KANK1: variants seen among roughly 807,000 people sequenced by gnomAD.
The protein encoded by KANK1 is KN motif and ankyrin repeat domain-containing protein 1.
A neutral mutation model predicts 106.2 loss-of-function variants in KANK1; 109 were observed. The ratio of observed to expected loss-of-function variants is 1.03; its 90% confidence interval spans 0.88 to 1.20. The LOEUF is 1.20. KANK1 is among the 50% of genes most tolerant of loss of function. The pLI is 0.00. For missense variants in KANK1, 2,399 were observed against 1,710.7 expected (o/e 1.40, Z -7.10); for synonymous variants, 873 against 652.2 (o/e 1.34, Z -5.16).
At chr9:604,493 A>G (rs907499219) in intron 1 of KANK1, among the ~76,000 whole-genome samples, 1 of 151,712 alleles carries the variant, frequency 6.6e-6, no homozygotes, top group African/African-American at 2.4e-5. Flanking sequence ...TCCTGCTGTC[A>G]TGTGAAGAAG....
At chr9:536,847 C>G (rs894825892) in intron 1 of KANK1, among the ~76,000 whole-genome samples, 3 of 152,186 alleles carry the variant, frequency 2.0e-5, no homozygotes, top group Non-Finnish European at 4.4e-5. Flanking sequence ...AGACACAATA[C>G]AGTTAACTCT....
chr9:686,766 G>C, intron 2 of KANK1: 2 of 985,406 alleles, frequency 2.0e-6, no homozygotes, highest in Non-Finnish European at 2.4e-6. Context: ...AGGGATCTGA[G>C]TGGGCCCAAG....
chr9:580,074 C>T (rs891444084), intron 1 of KANK1, among the ~76,000 whole-genome samples: 3 of 152,152 alleles, frequency 2.0e-5, no homozygotes, highest in South Asian at 2.1e-4. Context: ...AAGTTTGTTC[C>T]TTCTGATGTT....
At position 689,494 on chromosome 9, in the gene KANK1, C is replaced by T. The variant is rs370331905; in HGVS notation, c.37+12485C>T. ...TCTGAGCGGATCCTGCTAATCCAGGCATGTAAAGGAGGAGTCCTCATCCAA... is the reference window on the plus strand; with the variant it reads ...TCTGAGCGGATCCTGCTAATCCAGGTATGTAAAGGAGGAGTCCTCATCCAA... On this transcript the variant is annotated intron_variant, in intron 2 of 11. Coordinates refer to ENST00000382297, the MANE Select transcript of KANK1 (RefSeq NM_015158.5). Among the ~76,000 whole-genome samples the T allele has an allele frequency of 6.2e-4, 94 of 152,240 alleles. 5 individuals are homozygous for T. The South Asian group carries it at 0.019, about 31-fold the overall frequency.
rs751563164 is a variant in KANK1 at position 711,559 on chromosome 9, G to A, written c.793G>A (p.Glu265Lys). ...VSPMHLQHIR[E>K]QMAIALKRLK... ...CCCCATGCACCTGCAGCACATCCGC[G>A]AGCAGATGGCCATTGCTCTGAAACG... The change falls in exon 3 of 12, where the codon GAG becomes AAG. Residue 265 changes from glutamate (E) to lysine (K), a missense_variant. By Grantham distance (56) the Glu-to-Lys change is moderately conservative. Transcript: ENST00000382297. 5.9e-5 allele frequency: 95 copies of A among 1,613,820 alleles called. No homozygotes were observed. Among genetic ancestry groups the A allele is most frequent in the Admixed American group, 1.7e-4 (10 of 59,990 alleles).
At chr9:546,811 T>C (rs1373876494) in intron 1 of KANK1, among the ~76,000 whole-genome samples, 1 of 152,132 alleles carries the variant, frequency 6.6e-6, no homozygotes, top group Non-Finnish European at 1.5e-5. Flanking sequence ...TAATCTAAAG[T>C]AGCCCATACT....
At position 674,974 on chromosome 9, in the gene KANK1, G is replaced by A. The variant is rs140320226; in HGVS notation, c.-83-1916G>A. Reference sequence around the variant, plus strand: ...CCTGCGTCAGCCTCCCACAGTGCTGGGATTACAGGTGTGAGCCACCGCACC... The same window carrying A: ...CCTGCGTCAGCCTCCCACAGTGCTGAGATTACAGGTGTGAGCCACCGCACC... On this transcript the variant is annotated intron_variant, in intron 1 of 11. Transcript: ENST00000382297. 4.7e-3 allele frequency among the ~76,000 whole-genome samples: 721 copies of A among 152,050 alleles called. 12 individuals carry two copies. Among genetic ancestry groups the A allele is most frequent in the African/African-American group, 0.016 (664 of 41,420 alleles).
chr9:627,128 G>A (rs72689695), intron 1 of KANK1, among the ~76,000 whole-genome samples: 5,654 of 152,236 alleles, frequency 0.037, 368 homozygotes, highest in African/African-American at 0.13. Flanking sequence ...GCCATCCTGG[G>A]AAATCTAGAA....
chr9:577,063 C>T (rs1203832785), intron 1 of KANK1, among the ~76,000 whole-genome samples: 1 of 152,112 alleles, frequency 6.6e-6, no homozygotes, highest in African/African-American at 2.4e-5. Flanking sequence ...AATCTGCAGA[C>T]CTTTGCAGTG....
At chr9:691,420 T>A (rs887519510) in intron 2 of KANK1, among the ~76,000 whole-genome samples, 4 of 149,392 alleles carry the variant, frequency 2.7e-5, no homozygotes, top group Admixed American at 2.0e-4. Flanking sequence ...ATATATATAT[T>A]TATTTATTAT....
intron 1 of KANK1, among the ~76,000 whole-genome samples, chr9:581,077 C>T (rs1822002963): frequency 6.6e-6 from 1 of 152,142 alleles, no homozygotes; most frequent in Non-Finnish European, 1.5e-5. Context: ...GAGCCCACAC[C>T]TACCCAGAAC....
Position 565,328 on chromosome 9 carries a change from T to C in KANK1, c.-84+60574T>C, listed in dbSNP as rs570567161. On this transcript the variant is annotated intron_variant, in intron 1 of 11. Transcript: ENST00000382297. ...TGGGAAAGTCAACCCTAAAGAATGG[T>C]TTCATGTTTGCTCCCATTCTACCTT... Among the ~76,000 whole-genome samples, 48 of 152,290 alleles carry C rather than the reference T, an allele frequency of 3.2e-4. 1 individual carries two copies. The highest frequency in any genetic ancestry group is 3.4e-3 in the Middle Eastern group (1 of 294).
chr9:576,053 T>A (rs1272721333), intron 1 of KANK1, among the ~76,000 whole-genome samples: 1 of 152,186 alleles, frequency 6.6e-6, no homozygotes, highest in Non-Finnish European at 1.5e-5. Context: ...TAATGAATGA[T>A]TCCCAAAGTA....
chr9:587,085 A>G (rs773538977), intron 1 of KANK1, among the ~76,000 whole-genome samples: 19 of 152,336 alleles, frequency 1.2e-4, no homozygotes, highest in Middle Eastern at 3.4e-3. Context: ...ACACTAGGAA[A>G]TTGTCCACGG....
chr9:704,917 C>T (rs915559376), intron 2 of KANK1, among the ~76,000 whole-genome samples: 6 of 147,416 alleles, frequency 4.1e-5, no homozygotes, highest in African/African-American at 1.5e-4. Context: ...CACTTGAGCC[C>T]AGGAGATAGA....
intron 2 of KANK1, among the ~76,000 whole-genome samples, chr9:679,833 T>G (rs1563976245): frequency 6.6e-6 from 1 of 152,242 alleles, no homozygotes; most frequent in Non-Finnish European, 1.5e-5. Context: ...AAATGTTATA[T>G]ATTTCACATG....
chr9:495,531 C>T (rs1027158339), intron 3 of KANK1: 3 of 151,090 alleles, frequency 2.0e-5, no homozygotes, highest in African/African-American at 4.9e-5. Flanking sequence ...CTATCTTCAA[C>T]GTTAAAAAAA....
chr9:546,708 T>A (rs780359603), intron 1 of KANK1, among the ~76,000 whole-genome samples: 28 of 151,936 alleles, frequency 1.8e-4, no homozygotes, highest in Middle Eastern at 6.8e-3. Context: ...AAGGCAATCT[T>A]GTGTCCTTAT....
chr9:702,689 C>T (rs924648681), intron 2 of KANK1, among the ~76,000 whole-genome samples: 1 of 152,148 alleles, frequency 6.6e-6, no homozygotes, highest in Admixed American at 6.6e-5. Context: ...GTCTCACGCA[C>T]GCACAATTGT....
Sources: allele counts gnomAD v4.1 joint callset (sites outside exome capture counted in the v4.1 genomes callset), GRCh38; gene constraint gnomAD v4.1.1; transcripts MANE v1.5; gene names NCBI Gene and HGNC (gene_info 2026-07-23, HGNC 2026-07-21).